The following IL1RAPL1 variants were observed in gnomAD, a reference collection of about 807,000 sequenced individuals.
The protein encoded by IL1RAPL1 is interleukin-1 receptor accessory protein-like 1.
A neutral mutation model predicts 48.4 loss-of-function variants in IL1RAPL1; 3 were observed. The ratio of observed to expected loss-of-function variants is 0.06; its 90% CI spans 0.03 to 0.16. The LOEUF (loss-of-function observed/expected upper bound fraction) is 0.16, where lower values mean the gene tolerates loss of function less well. Among genes scored for constraint, IL1RAPL1 ranks in the 10% least tolerant of loss-of-function variants. IL1RAPL1 has a pLI of 1.00. For synonymous variants in IL1RAPL1, 185 were observed against 187.7 expected (o/e 0.99, Z 0.12); for missense variants, 349 against 530.6 (o/e 0.66, Z 3.36).
At chrX:29,663,094 A>G (rs1470190255) in intron 5 of IL1RAPL1, among the ~76,000 whole-genome samples, 1 of 112,504 alleles carries the variant, frequency 8.9e-6, no homozygotes. Flanking sequence ...CTCCAATATT[A>G]GAAACTAATG....
In IL1RAPL1 at chrX:29,660,139, C is replaced by T. The variant is rs201659305; in HGVS notation, c.704-8291C>T. Among the ~76,000 whole-genome samples, 16 of 111,347 alleles carry T rather than the reference C, an allele frequency of 1.4e-4. No individual in the cohort carries two copies. The East Asian group carries it at 2.3e-3, about 16-fold the overall frequency. ...TCATGAGAACAGCAAGAGGGAAGTC[C>T]GCCCCCATGATCCAGTCACCTCCCA... On this transcript the variant is annotated intron_variant, in intron 5 of 10. Coordinates refer to ENST00000378993, the MANE Select transcript of IL1RAPL1 (RefSeq NM_014271.4).
intron 2 of IL1RAPL1, among the ~76,000 whole-genome samples, chrX:28,855,009 C>G (rs868070461): frequency 1.9e-5 from 2 of 107,022 alleles, no homozygotes; most frequent in South Asian, 4.5e-4. Flanking sequence ...TGCACAGCAT[C>G]TTTTTTGTTT....
chrX:29,126,582 G>A (rs1410940930), intron 2 of IL1RAPL1, among the ~76,000 whole-genome samples: 7 of 112,061 alleles, frequency 6.2e-5, no homozygotes, highest in African/African-American at 1.6e-4. Context: ...CACATTGAAT[G>A]CCCACCTATG....
At chrX:29,076,798 G>GTCTATCTATCTA (rs369681917) in intron 2 of IL1RAPL1, among the ~76,000 whole-genome samples, 22,121 of 84,876 alleles carry the variant, frequency 0.26, 2,292 homozygotes, top group Non-Finnish European at 0.32. Context: ...CTGTCTGTCT[G>GTCTATCTATCTA]TCTGTCTATC....
intron 2 of IL1RAPL1, among the ~76,000 whole-genome samples, chrX:28,808,126 G>A (rs950933373): frequency 7.2e-5 from 8 of 111,400 alleles, no homozygotes; most frequent in African/African-American, 2.6e-4. Flanking sequence ...ATTGAGGCAG[G>A]TATTATGAAG....
At position 29,197,517 on chromosome X, in the gene IL1RAPL1, A is replaced by G. The variant is rs762998721; in HGVS notation, c.83-85421A>G. 2.7e-5 allele frequency among the ~76,000 whole-genome samples: 3 copies of G among 111,774 alleles called. No individual in the cohort carries two copies. The South Asian group carries it at 1.1e-3, about 41-fold the overall frequency. On this transcript the variant is annotated intron_variant, in intron 2 of 10. Transcript: ENST00000378993. ...AAATTTCTCTGCATTCTCTATGCCT[A>G]TACTTCCTTCATTCTTGGCAGTAAA...
At chrX:28,948,830 T>C (rs981611747) in intron 2 of IL1RAPL1, among the ~76,000 whole-genome samples, 15 of 111,302 alleles carry the variant, frequency 1.3e-4, no homozygotes, top group African/African-American at 4.9e-4. Flanking sequence ...TATGCCTATG[T>C]ACCTATGATA....
At chrX:29,941,331 T>A (rs1933123531) in intron 8 of IL1RAPL1, among the ~76,000 whole-genome samples, 1 of 112,337 alleles carries the variant, frequency 8.9e-6, no homozygotes, top group South Asian at 3.7e-4. Flanking sequence ...TGGTACTCTG[T>A]TAAACCCAAT....
intron 2 of IL1RAPL1, among the ~76,000 whole-genome samples, chrX:29,022,061 A>AG (rs1204790115): frequency 9.0e-6 from 1 of 111,409 alleles, no homozygotes; most frequent in East Asian, 2.8e-4. Context: ...TGGACTTTTC[A>AG]GCTCCCGATT....
intron 3 of IL1RAPL1, among the ~76,000 whole-genome samples, chrX:29,290,055 G>A (rs1332710743): frequency 9.0e-6 from 1 of 111,512 alleles, no homozygotes; most frequent in Non-Finnish European, 1.9e-5. Flanking sequence ...CTATCAAAAA[G>A]TACTTAAAGA....
At chrX:29,564,317 G>A (rs1922331346) in intron 5 of IL1RAPL1, among the ~76,000 whole-genome samples, 1 of 112,435 alleles carries the variant, frequency 8.9e-6, no homozygotes, top group Admixed American at 9.4e-5. Context: ...ACTAGATTGA[G>A]TAGAAGGAAT....
At chrX:28,855,106 G>A (rs1331367800) in intron 2 of IL1RAPL1, among the ~76,000 whole-genome samples, 1 of 111,570 alleles carries the variant, frequency 9.0e-6, no homozygotes, top group Non-Finnish European at 1.9e-5. Context: ...TGCAACTTCC[G>A]CCTCCCAAGT....
intron 1 of IL1RAPL1, among the ~76,000 whole-genome samples, chrX:28,768,349 C>T (rs1215535597): frequency 9.1e-6 from 1 of 110,451 alleles, no homozygotes; most frequent in Non-Finnish European, 1.9e-5. Context: ...TCTTTCCAAG[C>T]ACAGTTATGA....
At chrX:29,432,896 T>G (rs1315288099) in intron 5 of IL1RAPL1, among the ~76,000 whole-genome samples, 3 of 111,710 alleles carry the variant, frequency 2.7e-5, no homozygotes, top group Non-Finnish European at 5.7e-5. Flanking sequence ...TAGTTTTTTG[T>G]GTGTGTTTAA....
chrX:29,766,342 A>AAAATAT (rs1200679211), intron 6 of IL1RAPL1, among the ~76,000 whole-genome samples: 7 of 47,542 alleles, frequency 1.5e-4, no homozygotes, highest in African/African-American at 6.3e-4. Flanking sequence ...AAAAAAAAAA[A>AAAATAT]ATATATATAT....
intron 3 of IL1RAPL1, among the ~76,000 whole-genome samples, chrX:29,321,464 T>C (rs1205346771): frequency 2.7e-5 from 3 of 112,230 alleles, no homozygotes; most frequent in South Asian, 3.7e-4. Context: ...GTGAAGTGCA[T>C]TGGCAGATAT....
intron 2 of IL1RAPL1, among the ~76,000 whole-genome samples, chrX:29,240,123 G>A (rs1274364291): frequency 1.0e-5 from 1 of 97,557 alleles, no homozygotes. Context: ...CTGGGGATTA[G>A]GACATGGATC....
At chrX:29,553,069 T>C (rs12849965) in intron 5 of IL1RAPL1, among the ~76,000 whole-genome samples, 7,035 of 111,030 alleles carry the variant, frequency 0.063, 199 homozygotes, top group East Asian at 0.19. Context: ...TTTTAAATTC[T>C]CTAGTAATTC....
intron 5 of IL1RAPL1, among the ~76,000 whole-genome samples, chrX:29,516,419 T>C (rs1297316032): frequency 9.0e-6 from 1 of 111,595 alleles, no homozygotes; most frequent in Non-Finnish European, 1.9e-5. Context: ...TGAAACACCT[T>C]GGAGCATGGC....
Sources: gnomAD v4.1 joint callset for allele counts (sites outside exome capture counted in the v4.1 genomes callset) on GRCh38, gnomAD v4.1.1 for gene constraint, MANE v1.5 for transcripts, NCBI Gene and HGNC (gene_info 2026-07-23, HGNC 2026-07-21) for gene names.